SGSM1: variants seen among roughly 807,000 people sequenced by gnomAD.
SGSM1 encodes the protein small G protein signaling modulator 1.
SGSM1 carries 73 observed loss-of-function variants against 133.8 expected under a neutral mutation model. The ratio of observed to expected loss-of-function variants is 0.55; its 90% CI spans 0.45 to 0.66. The LOEUF (loss-of-function observed/expected upper bound fraction) is 0.66, where lower values mean the gene tolerates loss of function less well. Among genes scored for constraint, SGSM1 ranks in the 30% least tolerant of loss-of-function variants. The pLI is 0.00. For missense variants in SGSM1, 1,213 were observed against 1,448.1 expected, an observed-to-expected ratio of 0.84 and a Z score of 2.64; for synonymous variants, 563 against 573.0, an observed-to-expected ratio of 0.98 and a Z score of 0.25.
chr22:24,901,885 T>C lies in SGSM1; in HGVS notation c.2663T>C (p.Val888Ala). ...TVNLHRIEKD[V>A]QRCDRNYWYF... The stretch of plus-strand genomic sequence containing the variant: ...AACCTGCACCGCATCGAGAAGGATG[T>C]GCAGAGGTGCGACCGCAACTACTGG... Residue 888 changes from valine to alanine, a missense_variant, in exon 20 of 25, where the codon GTG becomes GCG. Val to Ala is a moderately conservative substitution (Grantham distance 64). Coordinates refer to ENST00000400358, the MANE Select transcript of SGSM1 (RefSeq NM_001098497.3). 1 of 1,610,682 alleles carries C rather than the reference T, an allele frequency of 6.2e-7. No individual in the cohort carries two copies. Among genetic ancestry groups the C allele is most frequent in the Non-Finnish European group, 8.5e-7 (1 of 1,178,726 alleles).
chr22:24,896,565 AT>A (rs1001680389), intron 18 of SGSM1, among the ~76,000 whole-genome samples: 1 of 151,592 alleles, frequency 6.6e-6, no homozygotes, highest in Non-Finnish European at 1.5e-5. Context: ...TGAAAAATTG[AT>A]TCATAATAGT....
rs1422780066 is a variant in SGSM1 at position 24,818,296 on chromosome 22, A to C, written c.63+11812A>C. Among the ~76,000 whole-genome samples, 7 of 152,180 alleles carry C rather than the reference A, an allele frequency of 4.6e-5. No homozygotes were observed. The East Asian group carries it at 1.4e-3, about 30-fold the overall frequency. On this transcript the variant is annotated intron_variant, in intron 2 of 24. Transcript: ENST00000400358. ...ACAGTACTAATCCCATCCAAGAGTC[A>C]TCCTCATGGCTTAAATTACCTCCCA...
intron 16 of SGSM1, among the ~76,000 whole-genome samples, chr22:24,890,191 T>C (rs540470572): frequency 4.8e-4 from 73 of 150,776 alleles, no homozygotes; most frequent in Middle Eastern, 6.5e-3. Context: ...CTCCTGACCT[T>C]GTGATCCGCC....
At chr22:24,821,599 G>T (rs898958193) in intron 2 of SGSM1, among the ~76,000 whole-genome samples, 1 of 152,192 alleles carries the variant, frequency 6.6e-6, no homozygotes, top group African/African-American at 2.4e-5. Context: ...AAAGTCCATT[G>T]CAAGTCATGG....
chr22:24,910,382 A>G (rs1471647861), intron 21 of SGSM1, among the ~76,000 whole-genome samples: 1 of 152,172 alleles, frequency 6.6e-6, no homozygotes, highest in East Asian at 1.9e-4. Flanking sequence ...GGCTGGGTGC[A>G]ATGGCTCACA....
At chr22:24,907,260 CAAATAAATAAATAAATAAATAAATAAAT>C (rs199825662) in intron 21 of SGSM1, among the ~76,000 whole-genome samples, 1 of 142,578 alleles carries the variant, frequency 7.0e-6, no homozygotes, top group Non-Finnish European at 1.5e-5. Flanking sequence ...AACTCCATCT[CAAATAAATAAATAAATAAATAAATAAAT>C]AAATAAATAA....
intron 12 of SGSM1, among the ~76,000 whole-genome samples, chr22:24,871,762 C>T (rs1027283857): frequency 2.0e-5 from 3 of 152,178 alleles, no homozygotes; most frequent in Non-Finnish European, 4.4e-5. Context: ...TGGTTTCACT[C>T]CCTTCAGTCT....
chr22:24,857,599 A>G (rs1049449590), intron 8 of SGSM1, among the ~76,000 whole-genome samples: 2 of 152,190 alleles, frequency 1.3e-5, no homozygotes. Flanking sequence ...AATATCATTG[A>G]AATACATTAA....
chr22:24,808,208 G>T (rs1927529881), intron 2 of SGSM1, among the ~76,000 whole-genome samples: 1 of 151,428 alleles, frequency 6.6e-6, no homozygotes, highest in Non-Finnish European at 1.5e-5. Context: ...CCACCTCCTG[G>T]GTTCACGCCA....
At chr22:24,918,373 A>G (rs965889173) in intron 23 of SGSM1, among the ~76,000 whole-genome samples, 1 of 151,532 alleles carries the variant, frequency 6.6e-6, no homozygotes, top group African/African-American at 2.4e-5. Context: ...GCACATGCCT[A>G]TAGTTTCAGC....
At chr22:24,837,643 G>A (rs1929535609) in intron 2 of SGSM1, among the ~76,000 whole-genome samples, 1 of 140,248 alleles carries the variant, frequency 7.1e-6, no homozygotes, top group South Asian at 2.4e-4. Context: ...TTTTGCTACC[G>A]CTGGACCACG....
At chr22:24,826,850 C>T (rs1928827529) in intron 2 of SGSM1, among the ~76,000 whole-genome samples, 1 of 152,080 alleles carries the variant, frequency 6.6e-6, no homozygotes, top group Non-Finnish European at 1.5e-5. Flanking sequence ...GTATGTTTTG[C>T]TCATGGTATC....
At chr22:24,855,202 A>G in intron 6 of SGSM1, 83 bp from the exon 7 acceptor site, 1 of 1,551,212 alleles carries the variant, frequency 6.4e-7, no homozygotes, top group South Asian at 1.2e-5. Flanking sequence ...AGGGGAGGGT[A>G]GTGAGATGGG....
At chr22:24,895,898 A>G (rs891174226) in intron 18 of SGSM1, among the ~76,000 whole-genome samples, 1 of 152,104 alleles carries the variant, frequency 6.6e-6, no homozygotes. Flanking sequence ...ATACGAAAAA[A>G]ATCAGTTGGG....
At chr22:24,912,843 C>A (rs2123736309) in intron 22 of SGSM1, 91 bp downstream of exon 22, 1 of 797,400 alleles carries the variant, frequency 1.3e-6, no homozygotes, top group Non-Finnish European at 2.1e-6. Flanking sequence ...TAGAGCCCAC[C>A]TGGATTGGAA....
chr22:24,842,427 A>T (rs1929860402), intron 2 of SGSM1, among the ~76,000 whole-genome samples: 2 of 152,178 alleles, frequency 1.3e-5, no homozygotes, highest in African/African-American at 2.4e-5. Flanking sequence ...GTTATAAGAA[A>T]ATATATATTT....
At chr22:24,809,150 C>T (rs1009046524) in intron 2 of SGSM1, among the ~76,000 whole-genome samples, 35 of 152,200 alleles carry the variant, frequency 2.3e-4, no homozygotes, top group African/African-American at 8.2e-4. Flanking sequence ...CCCCAAAGCA[C>T]GTCTCCCCTG....
intron 22 of SGSM1, among the ~76,000 whole-genome samples, chr22:24,913,006 A>C (rs984953391): frequency 6.6e-5 from 10 of 152,222 alleles, no homozygotes; most frequent in Non-Finnish European, 1.5e-4. Context: ...ATGATTTTAT[A>C]GTGCTTAGCA....
At chr22:24,835,732 C>A (rs1929389722) in intron 2 of SGSM1, among the ~76,000 whole-genome samples, 2 of 151,708 alleles carry the variant, frequency 1.3e-5, no homozygotes, top group Admixed American at 1.3e-4. Flanking sequence ...AGCAAGGAGG[C>A]CTGTGTGTGT....
Sources: allele counts gnomAD v4.1 joint callset (sites outside exome capture counted in the v4.1 genomes callset), GRCh38; gene constraint gnomAD v4.1.1; transcripts MANE v1.5; gene names NCBI Gene and HGNC (gene_info 2026-07-23, HGNC 2026-07-21).